ATP10D: variants seen among roughly 807,000 people sequenced by gnomAD.
ATP10D encodes the protein ATPase phospholipid transporting 10D (putative), also known as phospholipid-transporting ATPase VD.
In ATP10D, 89 loss-of-function variants were observed where a neutral mutation model predicts 144.8. The ratio of observed to expected loss-of-function variants is 0.61; its 90% CI spans 0.52 to 0.73. The LOEUF (loss-of-function observed/expected upper bound fraction) is 0.73. ATP10D is among the 30% of genes least tolerant of loss of function. The pLI is 0.00. For synonymous variants in ATP10D, 571 were observed against 615.1 expected, an observed-to-expected ratio of 0.93 and a Z score of 1.06; for missense variants, 1,603 against 1,714.8, an observed-to-expected ratio of 0.93 and a Z score of 1.15.
At chr4:47,586,948 C>A in intron 21 of ATP10D, 71 bp from the exon 22 acceptor site, 1 of 1,385,382 alleles carries the variant, frequency 7.2e-7, no homozygotes, top group Admixed American at 1.8e-5. Flanking sequence ...TTTAATGGAG[C>A]AGATTTGTCC....
In ATP10D at chr4:47,542,966, A is replaced by T. The variant is rs192880487; in HGVS notation, c.1397-3658A>T. On this transcript the variant is annotated intron_variant, in intron 9 of 22. Coordinates refer to ENST00000273859, the MANE Select transcript of ATP10D (RefSeq NM_020453.4). Reference sequence around the variant, plus strand: ...CCTAATGATGGCTAGGAGTTACACGATCATTAAATATAGCCTCCATGTTTA... The same window carrying T: ...CCTAATGATGGCTAGGAGTTACACGTTCATTAAATATAGCCTCCATGTTTA... Among the ~76,000 whole-genome samples, 1,045 of 152,294 alleles carry T rather than the reference A, an allele frequency of 6.9e-3. 8 individuals carry two copies. Among genetic ancestry groups the T allele is most frequent in the Non-Finnish European group, 9.2e-3 (627 of 68,016 alleles).
At chr4:47,523,244 T>TTA in intron 4 of ATP10D, 28 bp downstream of exon 4, 1 of 1,576,838 alleles carries the variant, frequency 6.3e-7, no homozygotes, top group Non-Finnish European at 8.7e-7. Flanking sequence ...AGTTAGTGGC[T>TTA]TATTAACATT....
At chr4:47,497,564 A>G (rs1432495325) in intron 1 of ATP10D, among the ~76,000 whole-genome samples, 2 of 152,176 alleles carry the variant, frequency 1.3e-5, no homozygotes, top group East Asian at 3.8e-4. Context: ...AAATATTAGG[A>G]TAAGTACCTA....
At chr4:47,529,055 C>T (rs1481454324) in intron 5 of ATP10D, among the ~76,000 whole-genome samples, 5 of 152,018 alleles carry the variant, frequency 3.3e-5, no homozygotes, top group African/African-American at 1.2e-4. Flanking sequence ...TTGTTAGATA[C>T]ATAGTTTGCA....
chr4:47,546,708 C>CA lies in ATP10D; in HGVS notation c.1485dup (p.Pro496ThrfsTer11), dbSNP rs1181684210. 1.2e-6 allele frequency: 2 copies of CA among 1,614,072 alleles called. No individual in the cohort carries two copies. The highest frequency in any genetic ancestry group is 1.1e-5 in the South Asian group (1 of 91,084). On this transcript the variant is annotated frameshift_variant, in exon 10 of 23. Transcript: ENST00000273859. LOFTEE classifies it high-confidence loss of function. ...GTCAGTGGTTCCCTCAGCAATATGGCAAAACCGAGAGCCCCCAGCTGCAGG... is the reference window on the plus strand; with the variant it reads ...GTCAGTGGTTCCCTCAGCAATATGGCAAAAACCGAGAGCCCCCAGCTGCAGG...
chr4:47,511,434 G>A (rs115161403), intron 1 of ATP10D, among the ~76,000 whole-genome samples: 2,759 of 152,220 alleles, frequency 0.018, 76 homozygotes, highest in African/African-American at 0.063. Flanking sequence ...CATCAAAAGT[G>A]ATTGTCTGCC....
intron 5 of ATP10D, among the ~76,000 whole-genome samples, chr4:47,526,172 A>G (rs1289334818): frequency 6.6e-6 from 1 of 152,236 alleles, no homozygotes; most frequent in Non-Finnish European, 1.5e-5. Context: ...ATTATAACAA[A>G]TCAAATCCAG....
chr4:47,577,545 A>C (rs562521870), intron 19 of ATP10D, among the ~76,000 whole-genome samples: 1 of 152,282 alleles, frequency 6.6e-6, no homozygotes, highest in East Asian at 1.9e-4. Flanking sequence ...ATAATACGGT[A>C]CAACTTCCAG....
At chr4:47,535,217 T>C (rs1717776059) in intron 5 of ATP10D, among the ~76,000 whole-genome samples, 2 of 151,882 alleles carry the variant, frequency 1.3e-5, no homozygotes, top group African/African-American at 4.8e-5. Context: ...TTAAGCATGA[T>C]GCTTATCACC....
chr4:47,568,998 G>C lies in ATP10D; in HGVS notation c.3015G>C (p.Glu1005Asp). The C allele has an allele frequency of 6.2e-7, 1 of 1,614,232 alleles. No individual in the cohort carries two copies. Among genetic ancestry groups the C allele is most frequent in the Non-Finnish European group, 8.5e-7 (1 of 1,180,042 alleles). Reference sequence around the variant, plus strand: ...TCATTATCACTGGGAAGACCCTGGAGTTTGCCCTGCAAGAAAGTCTGCAAA... The same window carrying C: ...TCATTATCACTGGGAAGACCCTGGACTTTGCCCTGCAAGAAAGTCTGCAAA... The part of the protein sequence containing the change: ...AGLIITGKTL[E>D]FALQESLQKQ... Residue 1005 changes from glutamate (E) to aspartate (D), a missense_variant, in exon 16 of 23, where the codon GAG becomes GAC. By Grantham distance (45) the Glu-to-Asp change is conservative. Transcript: ENST00000273859.
intron 5 of ATP10D, among the ~76,000 whole-genome samples, chr4:47,533,283 T>C (rs1461401536): frequency 6.6e-6 from 1 of 152,166 alleles, no homozygotes; most frequent in Admixed American, 6.6e-5. Context: ...TGAGACTTCA[T>C]TTCCTCATCT....
intron 1 of ATP10D, among the ~76,000 whole-genome samples, chr4:47,510,774 T>G (rs995548290): frequency 5.3e-5 from 8 of 152,202 alleles, no homozygotes; most frequent in Non-Finnish European, 8.8e-5. Context: ...AGATTTAGAT[T>G]GTTGTATGAG....
At chr4:47,515,713 T>C (rs750910886) in intron 3 of ATP10D, 43 bp downstream of exon 3, 15 of 1,434,194 alleles carry the variant, frequency 1.0e-5, no homozygotes, top group Middle Eastern at 1.8e-4. Flanking sequence ...GTATGTATCA[T>C]TGAGAAATAT....
chr4:47,538,553 A>G (rs1717963538), intron 9 of ATP10D, among the ~76,000 whole-genome samples: 1 of 152,206 alleles, frequency 6.6e-6, no homozygotes, highest in South Asian at 2.1e-4. Flanking sequence ...GCTGTCTCAC[A>G]GTATCTCTAA....
chr4:47,517,801 G>T (rs913947218), intron 3 of ATP10D, among the ~76,000 whole-genome samples: 2 of 152,050 alleles, frequency 1.3e-5, no homozygotes, highest in Non-Finnish European at 2.9e-5. Context: ...TTTTTCTCAG[G>T]TGTCCTTTTA....
intron 5 of ATP10D, among the ~76,000 whole-genome samples, chr4:47,529,765 A>G (rs558254474): frequency 3.6e-4 from 55 of 152,212 alleles, no homozygotes; most frequent in African/African-American, 1.3e-3. Context: ...GATTCTTCCA[A>G]TCCATGAGCA....
chr4:47,558,801 T>C, intron 12 of ATP10D, 122 bp from the exon 13 acceptor site: 1 of 764,590 alleles, frequency 1.3e-6, no homozygotes, highest in Non-Finnish European at 2.1e-6. Flanking sequence ...CCATTTGGGA[T>C]TCAAAACCAG....
At chr4:47,582,207 T>C in intron 21 of ATP10D, 143 bp downstream of exon 21, 1 of 690,140 alleles carries the variant, frequency 1.4e-6, no homozygotes, top group East Asian at 2.8e-5. Flanking sequence ...CTACTCTGGG[T>C]GATCATTGAA....
intron 9 of ATP10D, among the ~76,000 whole-genome samples, chr4:47,546,254 A>G (rs1718420147): frequency 6.6e-6 from 1 of 152,104 alleles, no homozygotes; most frequent in Non-Finnish European, 1.5e-5. Context: ...GTGTCAGTGA[A>G]AGAGGGAAGA....
Sources: gnomAD v4.1 joint callset for allele counts (sites outside exome capture counted in the v4.1 genomes callset) on GRCh38, gnomAD v4.1.1 for gene constraint, MANE v1.5 for transcripts, NCBI Gene and HGNC (gene_info 2026-07-23, HGNC 2026-07-21) for gene names.